The following CNTNAP2 variants were observed in gnomAD, a reference collection of about 807,000 sequenced individuals.
CNTNAP2 encodes the protein contactin-associated protein-like 2.
Under a neutral mutation model 155.2 loss-of-function variants are expected in CNTNAP2, and 98 were observed. The observed-to-expected ratio is 0.63, with a 90% CI of 0.54 to 0.75. CNTNAP2 has a LOEUF of 0.75. Ranked by LOEUF, CNTNAP2 falls within the 30% of genes least tolerant of loss-of-function variation. The pLI is 0.00. For synonymous variants in CNTNAP2, 651 were observed against 631.2 expected, an observed-to-expected ratio of 1.03 and a Z score of -0.47; for missense variants, 1,727 against 1,688.1, an observed-to-expected ratio of 1.02 and a Z score of -0.40.
intron 14 of CNTNAP2, among the ~76,000 whole-genome samples, chr7:147,939,817 C>T (rs965845006): frequency 6.6e-6 from 1 of 152,090 alleles, no homozygotes; most frequent in Non-Finnish European, 1.5e-5. Flanking sequence ...CACACACCCC[C>T]CAGCAGATTT....
At chr7:147,011,803 CT>C (rs1798631132) in intron 3 of CNTNAP2, among the ~76,000 whole-genome samples, 1 of 152,174 alleles carries the variant, frequency 6.6e-6, no homozygotes, top group Non-Finnish European at 1.5e-5. Context: ...GAGAAAGTCT[CT>C]GACCTTCCTC....
At chr7:146,208,323 GA>G (rs542652784) in intron 1 of CNTNAP2, among the ~76,000 whole-genome samples, 2,256 of 148,406 alleles carry the variant, frequency 0.015, 64 homozygotes, top group African/African-American at 0.053. Flanking sequence ...TTCATCCTGT[GA>G]AAAAAAAAAT....
At chr7:148,125,655 C>CTGTGTGTGTGTG (rs763817928) in intron 16 of CNTNAP2, among the ~76,000 whole-genome samples, 27 of 136,342 alleles carry the variant, frequency 2.0e-4, no homozygotes, top group African/African-American at 6.6e-4. Flanking sequence ...TATTATAAAA[C>CTGTGTGTGTGTG]TGTGTGTGTG....
intron 13 of CNTNAP2, among the ~76,000 whole-genome samples, chr7:147,902,893 G>A: frequency 6.7e-6 from 1 of 149,916 alleles, no homozygotes. Flanking sequence ...CATTTAGGTT[G>A]CTTCCACATT....
At chr7:146,160,872 T>C (rs2116798000) in intron 1 of CNTNAP2, among the ~76,000 whole-genome samples, 1 of 152,274 alleles carries the variant, frequency 6.6e-6, no homozygotes, top group Admixed American at 6.5e-5. Flanking sequence ...ATCATCCTGA[T>C]ACCAAAGCCT....
intron 4 of CNTNAP2, among the ~76,000 whole-genome samples, chr7:147,068,624 T>TG (rs1799829988): frequency 6.6e-6 from 1 of 152,204 alleles, no homozygotes; most frequent in Admixed American, 6.5e-5. Context: ...CCCAAAGTGC[T>TG]GGAACTACAG....
intron 1 of CNTNAP2, among the ~76,000 whole-genome samples, chr7:146,680,866 C>T (rs1019636053): frequency 1.1e-4 from 17 of 152,254 alleles, no homozygotes; most frequent in African/African-American, 3.8e-4. Context: ...TACATAGGTT[C>T]ACTGCATCTA....
intron 15 of CNTNAP2, among the ~76,000 whole-genome samples, chr7:147,983,186 G>A (rs1347484344): frequency 6.6e-6 from 1 of 152,150 alleles, no homozygotes; most frequent in East Asian, 1.9e-4. Context: ...TCTGTGCAGT[G>A]AATAGGGACT....
rs535140234 is a variant in CNTNAP2 at position 147,082,014 on chromosome 7, C to T, written c.551-26133C>T. 1.8e-4 allele frequency: 27 copies of T among 152,164 alleles called. 2 individuals carry two copies. Among genetic ancestry groups the T allele is most frequent in the African/African-American group, 6.5e-4 (27 of 41,522 alleles). The allele number at this position is 152,164 out of a possible 1,614,324, so 9.4% of individuals were successfully genotyped here. On this transcript the variant is annotated intron_variant, in intron 4 of 23. Transcript: ENST00000361727. ...TAATAATGTTTATAGAACTGGAAGA[C>T]TGCAGTTTAGAATGGTCCTTGATCA...
chr7:147,300,975 A>AT (rs1402149386), intron 9 of CNTNAP2, among the ~76,000 whole-genome samples: 3 of 152,168 alleles, frequency 2.0e-5, no homozygotes, highest in African/African-American at 7.2e-5. Flanking sequence ...AACTATGAGT[A>AT]TTTTTTAAAA....
intron 1 of CNTNAP2, among the ~76,000 whole-genome samples, chr7:146,310,126 T>C (rs1364128098): frequency 1.3e-5 from 2 of 152,196 alleles, no homozygotes; most frequent in Non-Finnish European, 2.9e-5. Flanking sequence ...GAGTAAACAC[T>C]AATCAGAATG....
At chr7:147,589,709 T>C (rs531834509) in intron 12 of CNTNAP2, among the ~76,000 whole-genome samples, 4 of 152,312 alleles carry the variant, frequency 2.6e-5, no homozygotes, top group Non-Finnish European at 4.4e-5. Context: ...TTTTGGATTC[T>C]CTCTAAGTTT....
intron 1 of CNTNAP2, among the ~76,000 whole-genome samples, chr7:146,423,229 A>G (rs1311241495): frequency 6.6e-6 from 1 of 152,134 alleles, no homozygotes; most frequent in Non-Finnish European, 1.5e-5. Context: ...AAAATAACAT[A>G]TTGAACTTTC....
intron 3 of CNTNAP2, among the ~76,000 whole-genome samples, chr7:146,844,219 A>G: frequency 6.6e-6 from 1 of 152,124 alleles, no homozygotes; most frequent in African/African-American, 2.4e-5. Flanking sequence ...AGGGAGTGAG[A>G]ATGGCTCCTG....
At chr7:146,179,546 C>T (rs186596410) in intron 1 of CNTNAP2, among the ~76,000 whole-genome samples, 331 of 152,202 alleles carry the variant, frequency 2.2e-3, no homozygotes, top group Non-Finnish European at 3.7e-3. Context: ...TGATCACACA[C>T]ACACAAATAG....
intron 1 of CNTNAP2, among the ~76,000 whole-genome samples, chr7:146,137,603 T>G (rs1797816500): frequency 6.6e-6 from 1 of 152,122 alleles, no homozygotes; most frequent in African/African-American, 2.4e-5. Context: ...GCATGCATTA[T>G]TTTATTTAAA....
chr7:146,877,617 GTGTGTGTA>G (rs1215212177), intron 3 of CNTNAP2, among the ~76,000 whole-genome samples: 4 of 139,504 alleles, frequency 2.9e-5, no homozygotes, highest in African/African-American at 7.6e-5. Context: ...TACTATATAT[GTGTGTGTA>G]TGTATGTATG....
At chr7:146,422,241 T>C (rs1796022948) in intron 1 of CNTNAP2, among the ~76,000 whole-genome samples, 1 of 151,246 alleles carries the variant, frequency 6.6e-6, no homozygotes, top group African/African-American at 2.4e-5. Context: ...TGATGTTTAT[T>C]ACAGAAAACA....
At chr7:148,413,591 TTAG>T (rs1200835213) in intron 23 of CNTNAP2, among the ~76,000 whole-genome samples, 2 of 151,190 alleles carry the variant, frequency 1.3e-5, no homozygotes, top group Non-Finnish European at 3.0e-5. Flanking sequence ...GTAATGCTTG[TTAG>T]TAGTATTGTT....
Sources: gnomAD v4.1 joint callset for allele counts (sites outside exome capture counted in the v4.1 genomes callset) on GRCh38, gnomAD v4.1.1 for gene constraint, MANE v1.5 for transcripts, NCBI Gene and HGNC (gene_info 2026-07-23, HGNC 2026-07-21) for gene names.